The following FAF1 variants were observed in gnomAD, a reference collection of about 807,000 sequenced individuals.
FAF1 encodes the protein FAS-associated factor 1.
FAF1 carries 25 observed loss-of-function variants against 92.5 expected under a neutral mutation model. That is an observed-to-expected ratio of 0.27 (90% CI 0.20 to 0.38). The LOEUF (loss-of-function observed/expected upper bound fraction) is 0.38. Ranked by LOEUF, FAF1 falls within the 10% of genes least tolerant of loss-of-function variation. FAF1 has a pLI of 1.00. For missense variants in FAF1, 636 were observed against 793.3 expected (o/e 0.80, Z 2.38); for synonymous variants, 234 against 273.2 (o/e 0.86, Z 1.42).
intron 7 of FAF1, among the ~76,000 whole-genome samples, chr1:50,662,736 C>T (rs1045770872): frequency 2.8e-5 from 4 of 140,360 alleles, no homozygotes; most frequent in African/African-American, 8.0e-5. Context: ...CCCTCTGTCG[C>T]GCCCAGGCTG....
chr1:50,592,651 A>G (rs938093795), intron 9 of FAF1, among the ~76,000 whole-genome samples: 2 of 152,234 alleles, frequency 1.3e-5, no homozygotes, highest in Non-Finnish European at 2.9e-5. Context: ...AGTCAACAGC[A>G]AAATGATTAT....
intron 8 of FAF1, among the ~76,000 whole-genome samples, chr1:50,608,288 C>T (rs1652520864): frequency 6.6e-6 from 1 of 152,140 alleles, no homozygotes; most frequent in South Asian, 2.1e-4. Flanking sequence ...GCTGCTTTTG[C>T]CCTGTCCCTA....
intron 4 of FAF1, among the ~76,000 whole-genome samples, chr1:50,750,568 T>A (rs185059159): frequency 7.5e-4 from 114 of 152,208 alleles, no homozygotes; most frequent in Middle Eastern, 6.8e-3. Flanking sequence ...AGATTACTTT[T>A]GTCTGGGTTC....
chr1:50,728,633 A>G (rs1030623124), intron 6 of FAF1, among the ~76,000 whole-genome samples: 3 of 151,894 alleles, frequency 2.0e-5, no homozygotes, highest in African/African-American at 7.3e-5. Context: ...TCTACTAAAA[A>G]TACAAAAAAT....
chr1:50,515,526 A>C (rs755087998), intron 15 of FAF1, among the ~76,000 whole-genome samples: 36 of 152,186 alleles, frequency 2.4e-4, no homozygotes, highest in Non-Finnish European at 4.1e-4. Context: ...CATAGTTTGA[A>C]AAGCACGGTA....
chr1:50,563,544 A>G (rs867123674), intron 13 of FAF1, among the ~76,000 whole-genome samples: 19 of 152,348 alleles, frequency 1.2e-4, no homozygotes, highest in Middle Eastern at 3.4e-3. Flanking sequence ...AAGACTGTAC[A>G]ATATTTTCCA....
At chr1:50,867,527 G>GAATAGAC (rs1434522145) in intron 1 of FAF1, among the ~76,000 whole-genome samples, 1 of 151,858 alleles carries the variant, frequency 6.6e-6, no homozygotes, top group Non-Finnish European at 1.5e-5. Context: ...CTAGGGACAT[G>GAATAGAC]AATAGACAAT....
chr1:50,759,404 T>C (rs941466963), intron 4 of FAF1, among the ~76,000 whole-genome samples: 7 of 150,564 alleles, frequency 4.6e-5, no homozygotes, highest in African/African-American at 1.5e-4. Flanking sequence ...ATGCAGTGTT[T>C]GGTTTTTTGT....
chr1:50,650,092 C>T (rs899522629), intron 8 of FAF1, among the ~76,000 whole-genome samples: 5 of 149,960 alleles, frequency 3.3e-5, no homozygotes, highest in Non-Finnish European at 7.4e-5. Flanking sequence ...CGAGACCAGC[C>T]TGACTAACAT....
intron 17 of FAF1, among the ~76,000 whole-genome samples, chr1:50,477,905 T>C (rs567528011): frequency 1.3e-5 from 2 of 152,234 alleles, no homozygotes; most frequent in Non-Finnish European, 2.9e-5. Flanking sequence ...AGTATGATTG[T>C]AGGCACGTAC....
intron 9 of FAF1, among the ~76,000 whole-genome samples, chr1:50,594,474 T>C (rs1176853631): frequency 6.6e-6 from 1 of 152,152 alleles, no homozygotes; most frequent in Non-Finnish European, 1.5e-5. Flanking sequence ...ATCCATGCTC[T>C]CTTTCCCATT....
chr1:50,527,627 A>G (rs1455613696), intron 15 of FAF1, among the ~76,000 whole-genome samples: 4 of 152,228 alleles, frequency 2.6e-5, no homozygotes, highest in Non-Finnish European at 5.9e-5. Flanking sequence ...ACATTCATAC[A>G]GCACATATGA....
chr1:50,715,765 A>G (rs1308962890), intron 6 of FAF1, among the ~76,000 whole-genome samples: 1 of 152,150 alleles, frequency 6.6e-6, no homozygotes, highest in East Asian at 1.9e-4. Context: ...TACCAATGTA[A>G]TTTTAAGTCA....
chr1:50,719,817 T>TA (rs1446043447), intron 6 of FAF1, among the ~76,000 whole-genome samples: 1 of 152,194 alleles, frequency 6.6e-6, no homozygotes, highest in Non-Finnish European at 1.5e-5. Flanking sequence ...AATGTGATGC[T>TA]AACAAGCTAA....
intron 18 of FAF1, among the ~76,000 whole-genome samples, chr1:50,456,490 G>A (rs922063192): frequency 6.6e-6 from 1 of 152,084 alleles, no homozygotes; most frequent in Non-Finnish European, 1.5e-5. Context: ...ACTATAATGT[G>A]GCCTCTCACT....
At chr1:50,491,676 T>C (rs1295762908) in intron 16 of FAF1, 45 bp downstream of exon 16, 13 of 1,356,300 alleles carry the variant, frequency 9.6e-6, no homozygotes, top group Admixed American at 6.0e-5. Flanking sequence ...ATTTAAATAA[T>C]GAACAATTGA....
intron 8 of FAF1, among the ~76,000 whole-genome samples, chr1:50,614,170 T>C (rs1652802039): frequency 7.3e-6 from 1 of 137,186 alleles, no homozygotes; most frequent in South Asian, 2.1e-4. Flanking sequence ...CAAAACTCTT[T>C]TCAAAAATAT....
intron 7 of FAF1, among the ~76,000 whole-genome samples, chr1:50,662,475 A>G (rs1261751149): frequency 6.6e-6 from 1 of 152,178 alleles, no homozygotes; most frequent in Non-Finnish European, 1.5e-5. Context: ...ATGTAAACTA[A>G]TTTAAATATA....
At chr1:50,826,407 G>A (rs1206054164) in intron 2 of FAF1, among the ~76,000 whole-genome samples, 6 of 151,920 alleles carry the variant, frequency 3.9e-5, no homozygotes, top group Non-Finnish European at 8.8e-5. Flanking sequence ...AAAATTAGCT[G>A]GGCACAGTGG....
Sources: gnomAD v4.1 joint callset for allele counts (sites outside exome capture counted in the v4.1 genomes callset) on GRCh38, gnomAD v4.1.1 for gene constraint, MANE v1.5 for transcripts, NCBI Gene and HGNC (gene_info 2026-07-23, HGNC 2026-07-21) for gene names.